Variants in PAPSS1 observed in about 807,000 individuals in gnomAD.
PAPSS1 encodes the protein 3'-phosphoadenosine 5'-phosphosulfate synthase 1.
PAPSS1 carries 50 observed loss-of-function variants against 72.0 expected under a neutral mutation model. That is an observed-to-expected ratio of 0.69 (90% CI 0.55 to 0.88). The LOEUF is 0.88. PAPSS1 is among the 40% of genes least tolerant of loss of function. The pLI is 0.00. For synonymous variants in PAPSS1, 261 were observed against 263.6 expected (o/e 0.99, Z 0.09); for missense variants, 657 against 782.2 (o/e 0.84, Z 1.91).
At chr4:107,648,590 T>C (rs1014604350) in intron 9 of PAPSS1, among the ~76,000 whole-genome samples, 2 of 152,216 alleles carry the variant, frequency 1.3e-5, no homozygotes, top group Non-Finnish European at 2.9e-5. Context: ...TTAACTTCAC[T>C]GTAAGACTGC....
chr4:107,662,022 T>C (rs1325835770), intron 5 of PAPSS1, among the ~76,000 whole-genome samples: 1 of 152,172 alleles, frequency 6.6e-6, no homozygotes, highest in Non-Finnish European at 1.5e-5. Flanking sequence ...CTCCTCCTAC[T>C]GGTAAATTCA....
intron 10 of PAPSS1, among the ~76,000 whole-genome samples, chr4:107,638,556 T>C (rs1726448633): frequency 6.6e-6 from 1 of 151,876 alleles, no homozygotes; most frequent in South Asian, 2.1e-4. Context: ...CCTCCCAGAG[T>C]GGGGGCTCAG....
chr4:107,637,014 C>T (rs1029482072), intron 10 of PAPSS1, among the ~76,000 whole-genome samples: 3 of 152,078 alleles, frequency 2.0e-5, no homozygotes, highest in Non-Finnish European at 4.4e-5. Context: ...ATAGCCAATG[C>T]TTTAAAAAAA....
intron 1 of PAPSS1, among the ~76,000 whole-genome samples, chr4:107,719,022 A>G (rs965634647): frequency 1.3e-5 from 2 of 152,232 alleles, no homozygotes; most frequent in African/African-American, 4.8e-5. Flanking sequence ...CCAGGAGTCC[A>G]GCGCTCTTTC....
intron 5 of PAPSS1, among the ~76,000 whole-genome samples, chr4:107,672,617 C>T (rs1369448633): frequency 6.6e-6 from 1 of 152,204 alleles, no homozygotes; most frequent in African/African-American, 2.4e-5. Flanking sequence ...GGCCTGCCTG[C>T]CTCTGTAGAC....
intron 9 of PAPSS1, among the ~76,000 whole-genome samples, chr4:107,648,367 A>C (rs1473267245): frequency 6.6e-6 from 1 of 152,196 alleles, no homozygotes; most frequent in Non-Finnish European, 1.5e-5. Flanking sequence ...AGAGCGACCC[A>C]GACTCTACTC....
chr4:107,635,344 C>A (rs1480569730), intron 10 of PAPSS1, among the ~76,000 whole-genome samples: 1 of 152,104 alleles, frequency 6.6e-6, no homozygotes, highest in South Asian at 2.1e-4. Context: ...ATTTTATTCC[C>A]AAGCATTAAT....
At chr4:107,630,882 C>T (rs1392768802) in intron 11 of PAPSS1, among the ~76,000 whole-genome samples, 3 of 152,118 alleles carry the variant, frequency 2.0e-5, no homozygotes, top group African/African-American at 7.2e-5. Flanking sequence ...ACAAGTTGAG[C>T]ACCCCAATCC....
chr4:107,649,331 C>T (rs1015189186), intron 9 of PAPSS1, among the ~76,000 whole-genome samples: 1 of 152,234 alleles, frequency 6.6e-6, no homozygotes, highest in African/African-American at 2.4e-5. Flanking sequence ...AGTGGCCTTC[C>T]CACAGCTGCA....
intron 11 of PAPSS1, among the ~76,000 whole-genome samples, chr4:107,629,941 A>T (rs914095558): frequency 2.0e-5 from 3 of 152,226 alleles, no homozygotes; most frequent in African/African-American, 7.2e-5. Flanking sequence ...GCAATTTTAC[A>T]GGAATTTCAA....
At chr4:107,684,342 C>G (rs556974622) in intron 4 of PAPSS1, among the ~76,000 whole-genome samples, 12 of 152,310 alleles carry the variant, frequency 7.9e-5, no homozygotes, top group Admixed American at 5.2e-4. Flanking sequence ...CAACCTGACT[C>G]TGGCATAACA....
intron 4 of PAPSS1, among the ~76,000 whole-genome samples, chr4:107,684,939 T>C (rs1722736097): frequency 6.6e-6 from 1 of 152,064 alleles, no homozygotes; most frequent in South Asian, 2.1e-4. Flanking sequence ...GGAGTCTCGC[T>C]CTGTCGCCCA....
At chr4:107,690,417 T>C (rs571306857) in intron 3 of PAPSS1, among the ~76,000 whole-genome samples, 21 of 152,320 alleles carry the variant, frequency 1.4e-4, no homozygotes, top group African/African-American at 4.8e-4. Flanking sequence ...TATACTCTGA[T>C]TCATCCTTCA....
At chr4:107,691,666 C>T (rs1057145110) in intron 3 of PAPSS1, among the ~76,000 whole-genome samples, 3 of 152,202 alleles carry the variant, frequency 2.0e-5, no homozygotes, top group African/African-American at 7.2e-5. Flanking sequence ...TGTCTGGATG[C>T]AAACCTGTGC....
chr4:107,664,494 G>A (rs1727265290), intron 5 of PAPSS1, among the ~76,000 whole-genome samples: 1 of 152,160 alleles, frequency 6.6e-6, no homozygotes, highest in South Asian at 2.1e-4. Context: ...TCCAGGCACA[G>A]GGCTGGGACT....
At chr4:107,648,405 T>A (rs1190310796) in intron 9 of PAPSS1, among the ~76,000 whole-genome samples, 3 of 152,128 alleles carry the variant, frequency 2.0e-5, no homozygotes, top group African/African-American at 7.2e-5. Flanking sequence ...CAAAGACAAC[T>A]GCAAACTCAG....
chr4:107,691,590 G>A (rs913457295), intron 3 of PAPSS1, among the ~76,000 whole-genome samples: 3 of 152,142 alleles, frequency 2.0e-5, no homozygotes, highest in Non-Finnish European at 2.9e-5. Context: ...AATAAGACAC[G>A]GTCCCAGCTG....
intron 6 of PAPSS1, 47 bp from the exon 7 acceptor site, chr4:107,657,054 T>A: frequency 8.4e-7 from 1 of 1,190,602 alleles, no homozygotes; most frequent in South Asian, 1.2e-5. Context: ...CATGTATATA[T>A]GAGCAAAAGC....
intron 5 of PAPSS1, among the ~76,000 whole-genome samples, chr4:107,677,471 C>G (rs976577834): frequency 3.3e-5 from 5 of 152,148 alleles, no homozygotes; most frequent in Non-Finnish European, 7.4e-5. Context: ...AAATGCAAAT[C>G]AAAACCACAA....
Sources: allele counts gnomAD v4.1 joint callset (sites outside exome capture counted in the v4.1 genomes callset), GRCh38; gene constraint gnomAD v4.1.1; transcripts MANE v1.5; gene names NCBI Gene and HGNC (gene_info 2026-07-23, HGNC 2026-07-21).